RNF169: variants seen among roughly 807,000 people sequenced by gnomAD.
The protein encoded by RNF169 is ring finger protein 169.
Under a neutral mutation model 53.9 loss-of-function variants are expected in RNF169, and 24 were observed. The ratio of observed to expected loss-of-function variants is 0.45; its 90% CI spans 0.32 to 0.63. The LOEUF (loss-of-function observed/expected upper bound fraction) is 0.63. Ranked by LOEUF, RNF169 falls within the 20% of genes least tolerant of loss-of-function variation. The probability of loss-of-function intolerance (pLI) is 0.04; values close to 1 mark genes in which losing one functional copy is unlikely to be tolerated. For synonymous variants in RNF169, 396 were observed against 363.5 expected, an observed-to-expected ratio of 1.09 and a Z score of -1.02; for missense variants, 883 against 906.2, an observed-to-expected ratio of 0.97 and a Z score of 0.33.
chr11:74,774,552 C>G (rs912460367), intron 1 of RNF169, among the ~76,000 whole-genome samples: 3 of 151,930 alleles, frequency 2.0e-5, no homozygotes, highest in African/African-American at 7.3e-5. Context: ...GTATACCTAC[C>G]CTGGGGTACC....
At chr11:74,795,855 C>G (rs1333917632) in intron 2 of RNF169, among the ~76,000 whole-genome samples, 1 of 151,414 alleles carries the variant, frequency 6.6e-6, no homozygotes, top group Non-Finnish European at 1.5e-5. Flanking sequence ...AGACTCTTGT[C>G]TCAAAAAAAA....
chr11:74,812,662 G>A (rs114189588), intron 3 of RNF169, among the ~76,000 whole-genome samples: 3,052 of 152,196 alleles, frequency 0.02, 121 homozygotes, highest in African/African-American at 0.07. Context: ...AGTTTTCAGT[G>A]TTGAGCAAAT....
chr11:74,774,190 A>G lies in RNF169; in HGVS notation c.503-15436A>G, dbSNP rs1263828706. On this transcript the variant is annotated intron_variant, in intron 1 of 5. Coordinates refer to ENST00000299563, the MANE Select transcript of RNF169 (RefSeq NM_001098638.2). ...CCCTGTCTCTGCTAAAAACACACACACACAAATTAGCCAGGCATGGTGGCA... is the reference window on the plus strand; with the variant it reads ...CCCTGTCTCTGCTAAAAACACACACGCACAAATTAGCCAGGCATGGTGGCA... Among the ~76,000 whole-genome samples the G allele has an allele frequency of 2.0e-5, 3 of 151,990 alleles. No individual in the cohort carries two copies. In the South Asian group the frequency reaches 6.2e-4, roughly 31 times the overall value.
intron 1 of RNF169, among the ~76,000 whole-genome samples, chr11:74,761,466 T>G (rs1224475647): frequency 4.0e-5 from 6 of 149,650 alleles, no homozygotes; most frequent in African/African-American, 1.5e-4. Context: ...TTCCTTTCCA[T>G]GTTTAGCGCT....
At chr11:74,779,523 G>T (rs963677940) in intron 1 of RNF169, among the ~76,000 whole-genome samples, 2 of 152,078 alleles carry the variant, frequency 1.3e-5, no homozygotes, top group South Asian at 4.1e-4. Flanking sequence ...AAGACAGTCG[G>T]TACTTGGCTA....
At chr11:74,774,601 T>G (rs1211974659) in intron 1 of RNF169, among the ~76,000 whole-genome samples, 1 of 152,112 alleles carries the variant, frequency 6.6e-6, no homozygotes, top group African/African-American at 2.4e-5. Context: ...AGAGCAGTTT[T>G]GGTAATGTGG....
chr11:74,774,444 A>G lies in RNF169; in HGVS notation c.503-15182A>G, dbSNP rs114492988. On this transcript the variant is annotated intron_variant, in intron 1 of 5. Coordinates refer to ENST00000299563, the MANE Select transcript of RNF169 (RefSeq NM_001098638.2). ...ATAACTTAAATAAGGCTAGTATTAG[A>G]TATTTTAATTTTAAAGTTCCCTAGT... Among the ~76,000 whole-genome samples the G allele has an allele frequency of 4.7e-3, 712 of 152,196 alleles. 10 individuals are homozygous for G. The highest frequency in any genetic ancestry group is 0.016 in the African/African-American group (667 of 41,532).
At chr11:74,766,338 A>G (rs908106636) in intron 1 of RNF169, among the ~76,000 whole-genome samples, 5 of 152,206 alleles carry the variant, frequency 3.3e-5, no homozygotes, top group African/African-American at 1.2e-4. Context: ...CCACAAATAA[A>G]TTAGGAAAAA....
In RNF169 at chr11:74,749,342, C is replaced by T; in HGVS notation, c.462C>T (p.Pro154=). The change falls in exon 1 of 6, where the codon CCC becomes CCT. Residue 154 remains proline (P), a synonymous_variant. Transcript: ENST00000299563. ...ACGGGGGCGCGGCTGCCGCGGGGCC[C>T]AGGCCAGAGCAGGAGCCGCGTGCCG... ...RRDGGAAAAG[P]RPEQEPRAAP... 8.2e-7 allele frequency: 1 copy of T among 1,219,910 alleles called. No homozygotes were observed. The highest frequency in any genetic ancestry group is 1.0e-6 in the Non-Finnish European group (1 of 978,990). 75.6% of individuals were successfully genotyped at this position (1,219,910 alleles called of 1,614,324 possible).
At chr11:74,769,476 T>G (rs139788919) in intron 1 of RNF169, among the ~76,000 whole-genome samples, 162 of 152,284 alleles carry the variant, frequency 1.1e-3, no homozygotes, top group Admixed American at 1.7e-3. Context: ...GAGATTCCAT[T>G]AATAGGTGTG....
At chr11:74,750,098 G>A (rs2034863551) in intron 1 of RNF169, among the ~76,000 whole-genome samples, 1 of 152,136 alleles carries the variant, frequency 6.6e-6, no homozygotes, top group Non-Finnish European at 1.5e-5. Context: ...GGCAGTATGG[G>A]TTTCCTACTG....
rs182900211 is a variant in RNF169, at chr11:74,771,483, C to G, written c.503-18143C>G. 8.9e-3 allele frequency among the ~76,000 whole-genome samples: 1,359 copies of G among 151,956 alleles called. 13 individuals are homozygous for G. The highest frequency in any genetic ancestry group is 0.012 in the Non-Finnish European group (844 of 67,966). On this transcript the variant is annotated intron_variant, in intron 1 of 5. Transcript: ENST00000299563. Reference sequence around the variant, plus strand: ...ACTCTGGAGGCTGAGGTGGGATGATCACTTGAGGCCAGGAGTTCAATACCA... The same window carrying G: ...ACTCTGGAGGCTGAGGTGGGATGATGACTTGAGGCCAGGAGTTCAATACCA...
chr11:74,829,451 AG>A (rs2036144817), intron 4 of RNF169, among the ~76,000 whole-genome samples: 1 of 152,212 alleles, frequency 6.6e-6, no homozygotes, highest in Non-Finnish European at 1.5e-5. Flanking sequence ...TCAAAAACCT[AG>A]AAGCAGAAAT....
At position 74,835,918 on chromosome 11, in the gene RNF169, C is replaced by T; in HGVS notation, c.1315C>T (p.Gln439Ter). 1 of 1,614,210 alleles carries T rather than the reference C, an allele frequency of 6.2e-7. No individual in the cohort carries two copies. The highest frequency in any genetic ancestry group is 8.5e-7 in the Non-Finnish European group (1 of 1,180,036). ...RILKKWEQIF[Q>*]ERQIKKTLSK... The stretch of plus-strand genomic sequence containing the variant: ...CCTCAAAAAGTGGGAACAGATCTTT[C>T]AGGAGCGGCAGATCAAAAAGACCCT... Residue 439 changes from glutamine to a stop codon, truncating the protein, a stop_gained, in exon 6 of 6, where the codon CAG becomes TAG. Transcript: ENST00000299563. LOFTEE classifies it high-confidence loss of function.
chr11:74,793,342 A>G (rs2035605292), intron 2 of RNF169, among the ~76,000 whole-genome samples: 1 of 152,232 alleles, frequency 6.6e-6, no homozygotes, highest in Non-Finnish European at 1.5e-5. Flanking sequence ...AGATAAGTGG[A>G]AATTAATTCT....
chr11:74,750,989 C>T (rs2034885375), intron 1 of RNF169, among the ~76,000 whole-genome samples: 1 of 150,682 alleles, frequency 6.6e-6, no homozygotes, highest in Non-Finnish European at 1.5e-5. Flanking sequence ...ATTCTCCTGC[C>T]TCCGCCCAGT....
At chr11:74,834,308 G>A (rs944164362) in intron 4 of RNF169, among the ~76,000 whole-genome samples, 1 of 152,084 alleles carries the variant, frequency 6.6e-6, no homozygotes, top group African/African-American at 2.4e-5. Context: ...GAGAGGTTTG[G>A]GTCTAATAAA....
At chr11:74,750,174 A>ATGCT (rs1467487681) in intron 1 of RNF169, among the ~76,000 whole-genome samples, 10 of 152,214 alleles carry the variant, frequency 6.6e-5, no homozygotes, top group African/African-American at 2.4e-4. Context: ...TAACACCAGC[A>ATGCT]GCCTGCTATT....
intron 4 of RNF169, among the ~76,000 whole-genome samples, chr11:74,824,400 C>T (rs1330818455): frequency 3.3e-5 from 5 of 152,058 alleles, no homozygotes; most frequent in African/African-American, 1.2e-4. Context: ...TACCAATATA[C>T]ACAAAATGGT....
Sources: gnomAD v4.1 joint callset for allele counts (sites outside exome capture counted in the v4.1 genomes callset) on GRCh38, gnomAD v4.1.1 for gene constraint, MANE v1.5 for transcripts, NCBI Gene and HGNC (gene_info 2026-07-23, HGNC 2026-07-21) for gene names.